The following ZNF69 variants were observed in gnomAD, a reference collection of about 807,000 sequenced individuals.
The protein encoded by ZNF69 is zinc finger protein 69.
In ZNF69, 47 loss-of-function variants were observed where a neutral mutation model predicts 50.9. The observed-to-expected ratio is 0.92, with a 90% CI of 0.73 to 1.18. ZNF69 has a LOEUF of 1.18. ZNF69 is among the 50% of genes most tolerant of loss of function. The pLI, the probability that ZNF69 is intolerant of heterozygous loss-of-function variation, is 0.00. For missense variants in ZNF69, 717 were observed against 675.1 expected, an observed-to-expected ratio of 1.06 and a Z score of -0.69; for synonymous variants, 216 against 223.1, an observed-to-expected ratio of 0.97 and a Z score of 0.29.
At chr19:11,979,531 A>C in the ZNF69 span, 17 of 1,603,656 alleles carry the variant, frequency 1.1e-5, no homozygotes, top group Non-Finnish European at 1.4e-5. Context: ...CTCACACTGC[A>C]GAGAAACCCT....
chr19:11,925,105 T>C, the ZNF69 span: 2 of 1,374,222 alleles, frequency 1.5e-6, no homozygotes, highest in South Asian at 1.2e-5. Flanking sequence ...GGGGGTCGCT[T>C]TCCTCACCTT....
At chr19:11,961,952 CACACACAT>C in the ZNF69 span, among the ~76,000 whole-genome samples, 7 of 149,044 alleles carry the variant, frequency 4.7e-5, no homozygotes, top group African/African-American at 1.2e-4. Context: ...CACACACACA[CACACACAT>C]ATATATTGTT....
At chr19:11,978,504 CA>C in the ZNF69 span, 8 of 1,614,202 alleles carry the variant, frequency 5.0e-6, no homozygotes, top group Non-Finnish European at 5.1e-6. Context: ...CATGGTAATG[CA>C]CAGTGGGGAT....
chr19:11,978,735 T>C, the ZNF69 span: 1 of 1,613,996 alleles, frequency 6.2e-7, no homozygotes, highest in Non-Finnish European at 8.5e-7. Context: ...TTCCAGTTCT[T>C]TTCAAGCACA....
At chr19:11,977,710 A>G in the ZNF69 span, among the ~76,000 whole-genome samples, 3 of 152,202 alleles carry the variant, frequency 2.0e-5, no homozygotes, top group Non-Finnish European at 4.4e-5. Context: ...GCAAAAAATT[A>G]GCTGGGCATT....
chr19:11,890,413 G>A (rs1377408599), intron 1 of ZNF69, among the ~76,000 whole-genome samples: 1 of 152,188 alleles, frequency 6.6e-6, no homozygotes, highest in Non-Finnish European at 1.5e-5. Context: ...GGCACATCCT[G>A]CACAGCCCTA....
the ZNF69 span, among the ~76,000 whole-genome samples, chr19:11,974,142 CTTT>C: frequency 8.8e-6 from 1 of 113,444 alleles, no homozygotes; most frequent in African/African-American, 4.3e-5. Context: ...TTCTTTCTTT[CTTT>C]CTTTCTTTCT....
intron 1 of ZNF69, among the ~76,000 whole-genome samples, chr19:11,894,717 T>C (rs1977182078): frequency 6.6e-6 from 1 of 152,140 alleles, no homozygotes. Flanking sequence ...TAGTATACTC[T>C]GCATCTAGAT....
At chr19:11,963,626 C>T in the ZNF69 span, among the ~76,000 whole-genome samples, 4 of 152,144 alleles carry the variant, frequency 2.6e-5, no homozygotes, top group Non-Finnish European at 4.4e-5. Context: ...CAAGTTTTCA[C>T]GTCCCAATCG....
intron 1 of ZNF69, among the ~76,000 whole-genome samples, chr19:11,897,373 TAAAG>T (rs1445085619): frequency 6.6e-6 from 1 of 150,830 alleles, no homozygotes; most frequent in Non-Finnish European, 1.5e-5. Flanking sequence ...AAAATAAAAA[TAAAG>T]AGATTATTCC....
At chr19:11,948,549 C>T in the ZNF69 span, 5 of 1,609,090 alleles carry the variant, frequency 3.1e-6, no homozygotes, top group Non-Finnish European at 4.2e-6. Flanking sequence ...AGAAAGCCTT[C>T]AGGTATCGCC....
intron 1 of ZNF69, among the ~76,000 whole-genome samples, chr19:11,889,227 C>A (rs1977022584): frequency 6.6e-6 from 1 of 152,090 alleles, no homozygotes; most frequent in Non-Finnish European, 1.5e-5. Flanking sequence ...TCTTGCGTGG[C>A]CTTAGGTCTT....
the ZNF69 span, among the ~76,000 whole-genome samples, chr19:11,976,468 A>G: frequency 6.7e-6 from 1 of 149,944 alleles, no homozygotes; most frequent in Admixed American, 6.7e-5. Context: ...AGTCATAAGA[A>G]TTGCATGAAC....
the ZNF69 span, among the ~76,000 whole-genome samples, chr19:11,944,577 G>A: frequency 2.6e-5 from 4 of 152,134 alleles, no homozygotes; most frequent in East Asian, 1.9e-4. Flanking sequence ...AGAAGCACAC[G>A]GGTTACTTCA....
chr19:11,964,963 C>G, the ZNF69 span: 2 of 494,866 alleles, frequency 4.0e-6, no homozygotes, highest in Non-Finnish European at 7.3e-6. Context: ...GGGGCGGGGC[C>G]TAGCATTCCA....
downstream of ZNF69, among the ~76,000 whole-genome samples, chr19:11,908,620 C>T (rs1046565578): frequency 6.6e-6 from 1 of 152,074 alleles, no homozygotes; most frequent in African/African-American, 2.4e-5. Flanking sequence ...TCTTTGAAAC[C>T]AATGAGAACA....
the ZNF69 span, among the ~76,000 whole-genome samples, chr19:11,975,741 A>G: frequency 6.6e-6 from 1 of 152,108 alleles, no homozygotes; most frequent in African/African-American, 2.4e-5. Context: ...TGCTTACTAC[A>G]TTTTGTTTAT....
At chr19:11,950,051 A>G in the ZNF69 span, 5 of 1,614,222 alleles carry the variant, frequency 3.1e-6, no homozygotes, top group South Asian at 2.2e-5. Flanking sequence ...GAGAAGCCCT[A>G]TGAATGTAAG....
the ZNF69 span, among the ~76,000 whole-genome samples, chr19:11,968,337 G>A: frequency 1.3e-5 from 2 of 151,870 alleles, no homozygotes; most frequent in African/African-American, 4.8e-5. Flanking sequence ...CTGCAGCCTT[G>A]ACCTCCCCAG....
Sources: gnomAD v4.1 joint callset for allele counts (sites outside exome capture counted in the v4.1 genomes callset) on GRCh38, gnomAD v4.1.1 for gene constraint, MANE v1.5 for transcripts, NCBI Gene and HGNC (gene_info 2026-07-23, HGNC 2026-07-21) for gene names.